ALG12: variants seen among roughly 807,000 people sequenced by gnomAD.
ALG12 encodes the protein ALG12 alpha-1,6-mannosyltransferase, also known as dol-P-Man:Man(7)GlcNAc(2)-PP-Dol alpha-1,6-mannosyltransferase.
Under a neutral mutation model 46.0 loss-of-function variants are expected in ALG12, and 36 were observed. The ratio of observed to expected loss-of-function variants is 0.78; its 90% CI spans 0.60 to 1.03. The LOEUF is 1.03. ALG12 is among the 50% of genes least tolerant of loss of function. The pLI is 0.00. For synonymous variants in ALG12, 326 were observed against 291.6 expected (o/e 1.12, Z -1.20); for missense variants, 599 against 633.5 (o/e 0.95, Z 0.58).
Position 49,909,914 on chromosome 22 carries a change from G to T in ALG12, c.644C>A (p.Pro215Gln), listed in dbSNP as rs777173365. Residue 215 changes from proline to glutamine, a missense_variant, in exon 5 of 10, where the codon CCG (proline) becomes CAG (glutamine). Coordinates refer to ENST00000330817, the MANE Select transcript of ALG12 (RefSeq NM_024105.4). ...CTTACCTAAACAGAGGATCCCTGCC[G>T]GGACGGCGTGGCGAAGGGCTCTGAC... is the stretch of plus-strand genomic sequence containing the variant. The part of the protein sequence containing the change: ...SVVRALRHAV[P>Q]AGILCLGLTV... The T allele has an allele frequency of 6.2e-7, 1 of 1,614,138 alleles. No homozygotes were observed. The highest frequency in any genetic ancestry group is 1.3e-5 in the African/African-American group (1 of 75,074).
At chr22:49,863,563 G>T in the ALG12 span, among the ~76,000 whole-genome samples, 1 of 151,772 alleles carries the variant, frequency 6.6e-6, no homozygotes, top group Non-Finnish European at 1.5e-5. Context: ...GGAGGCGGAG[G>T]TTGCGGTGAG....
the ALG12 span, among the ~76,000 whole-genome samples, chr22:49,869,363 A>G: frequency 6.6e-6 from 1 of 152,118 alleles, no homozygotes; most frequent in East Asian, 1.9e-4. Context: ...GTGGTTATCC[A>G]CCTCGGGCCT....
At chr22:49,864,355 A>G in the ALG12 span, among the ~76,000 whole-genome samples, 37 of 152,358 alleles carry the variant, frequency 2.4e-4, no homozygotes, top group East Asian at 4.0e-3. Context: ...ACTGCCACCT[A>G]TATCATTACT....
the ALG12 span, among the ~76,000 whole-genome samples, chr22:49,874,718 TCGCCAGGC>T: frequency 8.2e-6 from 1 of 121,890 alleles, no homozygotes; most frequent in Non-Finnish European, 1.6e-5. Flanking sequence ...TCTCACTCTG[TCGCCAGGC>T]TGGAGGGCAA....
the ALG12 span, among the ~76,000 whole-genome samples, chr22:49,878,879 T>C: frequency 1.3e-5 from 2 of 151,698 alleles, no homozygotes; most frequent in African/African-American, 4.8e-5. Flanking sequence ...GCGTGGTGGC[T>C]CATGCATGTA....
intron 1 of ALG12, among the ~76,000 whole-genome samples, chr22:49,916,017 T>A (rs2060607208): frequency 6.6e-6 from 1 of 152,082 alleles, no homozygotes; most frequent in African/African-American, 2.4e-5. Context: ...CCCAGCACTT[T>A]GGGAGGCTGA....
intron 3 of ALG12, among the ~76,000 whole-genome samples, chr22:49,911,657 C>T (rs2060577164): frequency 6.6e-6 from 1 of 152,192 alleles, no homozygotes; most frequent in African/African-American, 2.4e-5. Flanking sequence ...TGGTCTCAAA[C>T]TCCTGACCTC....
the ALG12 span, among the ~76,000 whole-genome samples, chr22:49,882,803 G>A: frequency 6.6e-5 from 10 of 152,228 alleles, no homozygotes; most frequent in Non-Finnish European, 8.8e-5. Flanking sequence ...GGCTGGAAGC[G>A]GTTTTCACCC....
intron 3 of ALG12, 133 bp from the exon 4 acceptor site, chr22:49,910,740 G>A (rs138625642): frequency 4.1e-5 from 44 of 1,075,942 alleles, no homozygotes; most frequent in East Asian, 1.9e-4. Flanking sequence ...TGACGGCTAC[G>A]TCAGGCAAAG....
intron 1 of ALG12, among the ~76,000 whole-genome samples, chr22:49,914,299 G>C (rs138883187): frequency 1.1e-4 from 16 of 152,248 alleles, no homozygotes; most frequent in African/African-American, 3.9e-4. Context: ...AGGGGCCCCG[G>C]GAGGGCAAGA....
intron 3 of ALG12, among the ~76,000 whole-genome samples, chr22:49,912,644 T>C (rs1289460167): frequency 2.6e-5 from 4 of 152,220 alleles, no homozygotes; most frequent in African/African-American, 9.7e-5. Context: ...TGGAAGCATG[T>C]CTGGGTATTA....
Position 49,913,849 on chromosome 22 carries a change from A to G in ALG12, c.-78-6T>C, listed in dbSNP as rs1289813742. 1.9e-6 allele frequency: 3 copies of G among 1,574,670 alleles called. No individual in the cohort carries two copies. The highest frequency in any genetic ancestry group is 2.6e-6 in the Non-Finnish European group (3 of 1,153,384). On this transcript the variant is annotated splice_region_variant and splice_polypyrimidine_tract_variant and intron_variant, in intron 1 of 9. Transcript: ENST00000330817. The stretch of plus-strand genomic sequence containing the variant: ...GCACTGCCACTCCACGCATGCTGGA[A>G]AAGTGGAAACAGATTCCTGAGGTTC...
At position 49,903,105 on chromosome 22, in the gene ALG12, G is replaced by A. The variant is rs80103223; in HGVS notation, c.*733C>T. The A allele has an allele frequency of 0.015, 5,141 of 353,000 alleles. 253 individuals carry two copies. Among genetic ancestry groups the A allele is most frequent in the African/African-American group, 0.1 (4,814 of 46,578 alleles). 21.9% of individuals were successfully genotyped at this position (353,000 alleles called of 1,614,324 possible). A position where few individuals can be genotyped will look rare whatever the true frequency, so the allele number is the denominator to read the frequency against. On this transcript the variant is annotated 3_prime_UTR_variant, in exon 10 of 10. Coordinates refer to ENST00000330817, the MANE Select transcript of ALG12 (RefSeq NM_024105.4). ...TGCTTTATAAATGCATGGTCAGTGA[G>A]GCTGACAGCACCAAGCTGTCCCTTT...
chr22:49,862,649 G>A, the ALG12 span, among the ~76,000 whole-genome samples: 2 of 110,276 alleles, frequency 1.8e-5, no homozygotes, highest in East Asian at 5.7e-4. Context: ...ATTCTTTGTT[G>A]TTTTGACTGA....
At chr22:49,879,397 G>A in the ALG12 span, among the ~76,000 whole-genome samples, 6 of 152,036 alleles carry the variant, frequency 3.9e-5, no homozygotes, top group East Asian at 2.0e-4. Context: ...GAAGTGCTGC[G>A]ATTACAGGTG....
chr22:49,899,010 C>G (rs948708276), downstream of ALG12, among the ~76,000 whole-genome samples: 22 of 152,288 alleles, frequency 1.4e-4, no homozygotes, highest in African/African-American at 5.1e-4. Context: ...TTAACCCCAG[C>G]CAGGCACAGT....
rs773892105 is a variant in ALG12 at position 49,904,225 on chromosome 22, C to T, written c.1192G>A (p.Ala398Thr). ...DVLLHIDVAAAQTGVSRFLQV... is the reference protein window; with the variant it reads ...DVLLHIDVAATQTGVSRFLQV... ...AGAAACCGAGACACACCTGTCTGGGCGGCTGCCACGTCAATGTGCAGAAGG... is the reference window on the plus strand; with the variant it reads ...AGAAACCGAGACACACCTGTCTGGGTGGCTGCCACGTCAATGTGCAGAAGG... Residue 398 changes from alanine to threonine, a missense_variant, in exon 9 of 10, where the codon GCC becomes ACC. Transcript: ENST00000330817. 2.0e-5 allele frequency: 32 copies of T among 1,613,976 alleles called. 1 individual carries two copies. Among genetic ancestry groups the T allele is most frequent in the Middle Eastern group, 1.6e-4 (1 of 6,084 alleles).
At chr22:49,877,817 C>A in the ALG12 span, among the ~76,000 whole-genome samples, 1 of 152,136 alleles carries the variant, frequency 6.6e-6, no homozygotes, top group East Asian at 1.9e-4. Context: ...CCTCGTGGCC[C>A]CTCCTCCCGC....
At chr22:49,912,112 G>GGGATCAGCCTCGGCCGCA (rs2146611975) in intron 3 of ALG12, among the ~76,000 whole-genome samples, 2 of 132,122 alleles carry the variant, frequency 1.5e-5, no homozygotes, top group East Asian at 4.1e-4. Flanking sequence ...CCTCGGCCCC[G>GGGATCAGCCTCGGCCGCA]GGATCAGCCT....
Sources: gnomAD v4.1 joint callset for allele counts (sites outside exome capture counted in the v4.1 genomes callset) on GRCh38, gnomAD v4.1.1 for gene constraint, MANE v1.5 for transcripts, NCBI Gene and HGNC (gene_info 2026-07-23, HGNC 2026-07-21) for gene names.